The following BDKRB2 variants were observed in gnomAD, a reference collection of about 807,000 sequenced individuals.
BDKRB2 encodes the protein bradykinin receptor B2.
Under a neutral mutation model 4.0 loss-of-function variants are expected in BDKRB2, and 6 were observed. The ratio of observed to expected loss-of-function variants is 1.49; its 90% CI spans 0.81 to 2.93. The LOEUF is 2.93. Ranked by LOEUF, BDKRB2 falls within the 30% of genes most tolerant of loss-of-function variation. The pLI is 0.00. For synonymous variants in BDKRB2, 225 were observed against 215.3 expected, an observed-to-expected ratio of 1.05 and a Z score of -0.40; for missense variants, 478 against 520.1, an observed-to-expected ratio of 0.92 and a Z score of 0.79.
At chr14:96,219,083 C>T (rs1294427024) in intron 1 of BDKRB2, among the ~76,000 whole-genome samples, 2 of 152,028 alleles carry the variant, frequency 1.3e-5, no homozygotes, top group African/African-American at 2.4e-5. Context: ...GCAGGGATCA[C>T]TTGAGCCTAG....
chr14:96,234,473 C>T (rs983308523), intron 1 of BDKRB2, among the ~76,000 whole-genome samples: 3 of 152,130 alleles, frequency 2.0e-5, no homozygotes, highest in Non-Finnish European at 2.9e-5. Flanking sequence ...CAAAGAGCTC[C>T]GTGGTACCCA....
At chr14:96,205,177 G>A (rs1890145951) in intron 1 of BDKRB2, among the ~76,000 whole-genome samples, 1 of 152,186 alleles carries the variant, frequency 6.6e-6, no homozygotes, top group African/African-American at 2.4e-5. Flanking sequence ...TCTGTTGTAG[G>A]TTTCTCTTCT....
At chr14:96,211,512 CA>C (rs1201168336) in intron 1 of BDKRB2, among the ~76,000 whole-genome samples, 3 of 152,234 alleles carry the variant, frequency 2.0e-5, no homozygotes, top group Non-Finnish European at 4.4e-5. Flanking sequence ...GGTGTGCTCA[CA>C]CGTGGGCCAG....
chr14:96,239,487 T>G (rs1885210282), intron 2 of BDKRB2: 1 of 985,330 alleles, frequency 1.0e-6, no homozygotes, highest in Admixed American at 6.1e-5. Flanking sequence ...GAGTCTTGCC[T>G]AAGAATGAAA....
intron 1 of BDKRB2, among the ~76,000 whole-genome samples, chr14:96,209,061 C>G (rs1890248378): frequency 6.6e-6 from 1 of 152,204 alleles, no homozygotes; most frequent in South Asian, 2.1e-4. Context: ...TGGTCACACT[C>G]CAGTGGCAGG....
intron 1 of BDKRB2, among the ~76,000 whole-genome samples, chr14:96,231,369 T>C (rs1364156542): frequency 6.6e-6 from 1 of 152,084 alleles, no homozygotes; most frequent in Non-Finnish European, 1.5e-5. Flanking sequence ...AACCCCGTCT[T>C]CCCCCTACAG....
At chr14:96,217,861 A>G (rs945039) in intron 1 of BDKRB2, among the ~76,000 whole-genome samples, 103,466 of 151,420 alleles carry the variant, frequency 0.68, 35,918 homozygotes, top group Non-Finnish European at 0.75. Context: ...CAGGCTCCAG[A>G]CTCCTCCAAC....
chr14:96,208,077 C>T (rs1890230924), intron 1 of BDKRB2, among the ~76,000 whole-genome samples: 1 of 152,198 alleles, frequency 6.6e-6, no homozygotes, highest in African/African-American at 2.4e-5. Context: ...AGCAATGGGT[C>T]CACTTTCATT....
In BDKRB2 at chr14:96,241,564, G is replaced by A; in HGVS notation, c.*60G>A. 1 of 1,492,568 alleles carries A rather than the reference G, an allele frequency of 6.7e-7. No homozygotes were observed. The highest frequency in any genetic ancestry group is 1.4e-5 in the South Asian group (1 of 73,020). The allele number at this position is 1,492,568 out of a possible 1,614,324, so 92.5% of individuals were successfully genotyped here. On this transcript the variant is annotated 3_prime_UTR_variant, in exon 3 of 3. Transcript: ENST00000554311. ...AGGATTGAGGGACAGTTGCTTTTCA[G>A]CATGGGCCCAGGAATGCCAAGGAGA...
chr14:96,239,022 T>G, intron 2 of BDKRB2: 1 of 985,528 alleles, frequency 1.0e-6, no homozygotes, highest in Non-Finnish European at 1.2e-6. Flanking sequence ...CAGCTGCTCC[T>G]AGAAGCAAAC....
chr14:96,216,733 AAGGAGGAGGAGGAGGAAGG>A (rs1309384873), intron 1 of BDKRB2, among the ~76,000 whole-genome samples: 14 of 101,216 alleles, frequency 1.4e-4, no homozygotes, highest in Non-Finnish European at 1.9e-4. Flanking sequence ...GAGGAGGAGG[AAGGAGGAGGAGGAGGAAGG>A]AGGAGGAGGA....
At chr14:96,211,747 T>C (rs192972904) in intron 1 of BDKRB2, among the ~76,000 whole-genome samples, 14 of 152,256 alleles carry the variant, frequency 9.2e-5, no homozygotes, top group Non-Finnish European at 1.8e-4. Context: ...CTGTGTGACC[T>C]AGGGCAAGAG....
intron 1 of BDKRB2, among the ~76,000 whole-genome samples, chr14:96,236,854 T>C (rs959339619): frequency 2.0e-5 from 3 of 152,190 alleles, no homozygotes; most frequent in Non-Finnish European, 4.4e-5. Context: ...TCAGGTCAGT[T>C]TGCAGTTATT....
chr14:96,210,258 C>T lies in BDKRB2; in HGVS notation c.-40+5299C>T, dbSNP rs56975964. Among the ~76,000 whole-genome samples the T allele has an allele frequency of 3.0e-3, 463 of 152,304 alleles. 3 individuals carry two copies. The highest frequency in any genetic ancestry group is 0.01 in the African/African-American group (433 of 41,562). ...AATAGTTATCCATTTAGACACAAAACGGGAGGCGGGTTGCATGACCCAGCT... is the reference window on the plus strand; with the variant it reads ...AATAGTTATCCATTTAGACACAAAATGGGAGGCGGGTTGCATGACCCAGCT... On this transcript the variant is annotated intron_variant, in intron 1 of 2. Transcript: ENST00000554311.
intron 1 of BDKRB2, among the ~76,000 whole-genome samples, chr14:96,208,128 T>C (rs778198922): frequency 2.0e-5 from 3 of 152,208 alleles, no homozygotes; most frequent in African/African-American, 7.2e-5. Flanking sequence ...TGCTTCTCTC[T>C]GAGCTAAATA....
At chr14:96,208,877 G>A (rs1277644759) in intron 1 of BDKRB2, among the ~76,000 whole-genome samples, 1 of 152,172 alleles carries the variant, frequency 6.6e-6, no homozygotes, top group African/African-American at 2.4e-5. Context: ...GGGCAGTCGT[G>A]GGGCACAGAG....
intron 1 of BDKRB2, among the ~76,000 whole-genome samples, chr14:96,213,495 AACACACACACAC>A (rs66460667): frequency 0.028 from 4,105 of 146,556 alleles, 85 homozygotes; most frequent in East Asian, 0.1. Context: ...GACCGACCCA[AACACACACACAC>A]ACACACACAC....
At chr14:96,210,471 C>CACT (rs1289928109) in intron 1 of BDKRB2, among the ~76,000 whole-genome samples, 2 of 152,326 alleles carry the variant, frequency 1.3e-5, no homozygotes, top group Non-Finnish European at 2.9e-5. Flanking sequence ...GGGAGATCAG[C>CACT]ACCATCAGCG....
chr14:96,240,224 C>T (rs1885237258), intron 2 of BDKRB2, 179 bp from the exon 3 acceptor site: 9 of 1,309,466 alleles, frequency 6.9e-6, no homozygotes, highest in East Asian at 2.8e-5. Flanking sequence ...AGAGGGGGCT[C>T]TGTAAGACCC....
Sources: allele counts gnomAD v4.1 joint callset (sites outside exome capture counted in the v4.1 genomes callset), GRCh38; gene constraint gnomAD v4.1.1; transcripts MANE v1.5; gene names NCBI Gene and HGNC (gene_info 2026-07-23, HGNC 2026-07-21).